Variants in CAMSAP1 observed in about 807,000 individuals in gnomAD.
CAMSAP1 encodes calmodulin regulated spectrin associated protein 1.
Under a neutral mutation model 143.5 loss-of-function variants are expected in CAMSAP1, and 58 were observed. The ratio of observed to expected loss-of-function variants is 0.40; its 90% CI spans 0.33 to 0.50. CAMSAP1 has a LOEUF of 0.50. Ranked by LOEUF, CAMSAP1 falls within the 20% of genes least tolerant of loss-of-function variation. The pLI is 0.45. For synonymous variants in CAMSAP1, 945 were observed against 859.3 expected, an observed-to-expected ratio of 1.10 and a Z score of -1.74; for missense variants, 1,969 against 2,115.7, an observed-to-expected ratio of 0.93 and a Z score of 1.36.
chr9:135,809,077 G>C lies in CAMSAP1; in HGVS notation c.*2232C>G, dbSNP rs1834947109. The C allele has an allele frequency of 1.3e-5, 2 of 152,206 alleles. No individual in the cohort carries two copies. The highest frequency in any genetic ancestry group is 1.3e-4 in the Admixed American group (2 of 15,278). 9.4% of individuals were successfully genotyped at this position (152,206 alleles called of 1,614,324 possible). ...TTGATAAACAGAGTTATAAGTCAGT[G>C]TTATCAACTGCAAAATCATGACTTT... On this transcript the variant is annotated 3_prime_UTR_variant, in exon 17 of 17. Transcript: ENST00000389532.
intron 14 of CAMSAP1, among the ~76,000 whole-genome samples, chr9:135,817,135 C>T (rs573645759): frequency 4.7e-4 from 72 of 152,242 alleles, no homozygotes; most frequent in Non-Finnish European, 9.1e-4. Context: ...TGCTCTGGAT[C>T]GAAGGAGACT....
At chr9:135,859,422 T>C (rs918661435) in intron 5 of CAMSAP1, among the ~76,000 whole-genome samples, 1 of 152,192 alleles carries the variant, frequency 6.6e-6, no homozygotes, top group Non-Finnish European at 1.5e-5. Flanking sequence ...TGAGACAGTC[T>C]CGCTCTGTCA....
chr9:135,885,499 C>T (rs1255441684), intron 1 of CAMSAP1, among the ~76,000 whole-genome samples: 4 of 152,070 alleles, frequency 2.6e-5, no homozygotes, highest in Non-Finnish European at 1.5e-5. Context: ...GGGACAGGCA[C>T]GTAAGTGGAG....
chr9:135,853,676 T>G (rs1836855186), intron 5 of CAMSAP1, among the ~76,000 whole-genome samples: 2 of 152,352 alleles, frequency 1.3e-5, no homozygotes, highest in South Asian at 4.1e-4. Flanking sequence ...GACAAGAGAA[T>G]GCTCATAGGG....
At chr9:135,851,340 G>A (rs1025391924) in intron 5 of CAMSAP1, among the ~76,000 whole-genome samples, 4 of 152,196 alleles carry the variant, frequency 2.6e-5, no homozygotes, top group African/African-American at 7.2e-5. Flanking sequence ...TGGAGCCACA[G>A]CATCCAGAGT....
chr9:135,828,063 T>C (rs977165459), intron 7 of CAMSAP1, among the ~76,000 whole-genome samples: 1 of 152,228 alleles, frequency 6.6e-6, no homozygotes, highest in African/African-American at 2.4e-5. Flanking sequence ...AGACCCAGCA[T>C]GTGGGCAGCT....
chr9:135,811,556 C>T lies in CAMSAP1; in HGVS notation c.4562G>A (p.Cys1521Tyr). 1 of 1,602,842 alleles carries T rather than the reference C, an allele frequency of 6.2e-7. No individual in the cohort carries two copies. The highest frequency in any genetic ancestry group is 8.5e-7 in the Non-Finnish European group (1 of 1,174,364). The change falls in exon 17 of 17, where the codon TGC becomes TAC. Residue 1521 changes from cysteine (C) to tyrosine (Y), a missense_variant. This residue lies in a region of CAMSAP1 where 143 missense variants were observed against 200.6 expected (regional missense o/e 0.71). Transcript: ENST00000389532. The surrounding 1 kb of genome is among the most constrained non-coding windows in gnomAD (Gnocchi z 4.9). Reference sequence around the variant, plus strand: ...GTAGCAGTAAAGCGCCCTGAACTGGCAGCCAGCATCACGAAACAGTATGAT... The same window carrying T: ...GTAGCAGTAAAGCGCCCTGAACTGGTAGCCAGCATCACGAAACAGTATGAT... The part of the protein sequence containing the change: ...HYIILFRDAG[C>Y]QFRALYCYYP...
At chr9:135,815,814 A>G in intron 15 of CAMSAP1, 76 bp downstream of exon 15, 1 of 1,173,624 alleles carries the variant, frequency 8.5e-7, no homozygotes, top group African/African-American at 1.5e-5. Context: ...CAAAATAGAG[A>G]ACAGATATTG....
rs71508822 is a variant in CAMSAP1, at chr9:135,890,584, G to A, written c.161-7506C>T. Among the ~76,000 whole-genome samples, 957 of 152,256 alleles carry A rather than the reference G, an allele frequency of 6.3e-3. 3 individuals are homozygous for A. Among genetic ancestry groups the A allele is most frequent in the Non-Finnish European group, 9.8e-3 (665 of 68,016 alleles). On this transcript the variant is annotated intron_variant, in intron 1 of 16. Transcript: ENST00000389532. ...ACCACATACTCTGGGTGGGTAACCT[G>A]AAGGGCTGCACCCAGGAGCAGGAGC...
chr9:135,849,698 T>C (rs1302452873), intron 7 of CAMSAP1, among the ~76,000 whole-genome samples: 1 of 152,220 alleles, frequency 6.6e-6, no homozygotes, highest in East Asian at 1.9e-4. Context: ...AACTTTAATG[T>C]TGCTGAATTT....
intron 7 of CAMSAP1, among the ~76,000 whole-genome samples, chr9:135,835,665 T>C (rs567000217): frequency 1.3e-5 from 2 of 152,280 alleles, no homozygotes; most frequent in South Asian, 2.1e-4. Flanking sequence ...CGGATCCAAA[T>C]TACACCCTAG....
At chr9:135,884,537 C>T (rs1372768220) in intron 1 of CAMSAP1, among the ~76,000 whole-genome samples, 1 of 152,192 alleles carries the variant, frequency 6.6e-6, no homozygotes, top group Non-Finnish European at 1.5e-5. Context: ...CATGGTTGTA[C>T]ACAATGATTA....
chr9:135,897,756 G>A (rs1564463452), intron 1 of CAMSAP1, among the ~76,000 whole-genome samples: 1 of 152,148 alleles, frequency 6.6e-6, no homozygotes, highest in Non-Finnish European at 1.5e-5. Context: ...TACCAGGCAA[G>A]ATGGCGTAAG....
At chr9:135,817,918 C>T in intron 14 of CAMSAP1, 59 bp downstream of exon 14, 2 of 1,395,456 alleles carry the variant, frequency 1.4e-6, no homozygotes, top group East Asian at 2.3e-5. Context: ...CAGGAAGTCC[C>T]ACCCTGCCCC....
At chr9:135,886,059 CT>C (rs775666476) in intron 1 of CAMSAP1, among the ~76,000 whole-genome samples, 347 of 126,856 alleles carry the variant, frequency 2.7e-3, no homozygotes, top group Non-Finnish European at 5.0e-3. Context: ...TCAATACCTA[CT>C]TAAAAAAAAA....
Position 135,865,489 on chromosome 9 carries a change from G to A in CAMSAP1, c.666+967C>T, listed in dbSNP as rs1345576634. ...GCAGAGGCGGGAGAGCCTCTGGTAA[G>A]CAAAGTCTTCTAAGTGTACGTGGCC... On this transcript the variant is annotated intron_variant, in intron 4 of 16. Coordinates refer to ENST00000389532, the MANE Select transcript of CAMSAP1 (RefSeq NM_015447.4). 4.6e-6 allele frequency: 4 copies of A among 873,096 alleles called. No homozygotes were observed. The African/African-American group carries it at 6.8e-5, about 15-fold the overall frequency. 54.1% of individuals were successfully genotyped at this position (873,096 alleles called of 1,614,324 possible). A position where few individuals can be genotyped will look rare whatever the true frequency, so the allele number is the denominator to read the frequency against.
At chr9:135,819,672 TAA>T (rs55894826) in intron 11 of CAMSAP1, among the ~76,000 whole-genome samples, 35 of 104,620 alleles carry the variant, frequency 3.3e-4, no homozygotes, top group Non-Finnish European at 1.5e-4. Context: ...TGTCTCCACT[TAA>T]AAAAAAAAAA....
intron 5 of CAMSAP1, among the ~76,000 whole-genome samples, chr9:135,855,046 C>A (rs1375845300): frequency 1.3e-5 from 2 of 151,918 alleles, no homozygotes; most frequent in Admixed American, 1.3e-4. Context: ...GGCTGGAGTG[C>A]AGTGGCGTGA....
In CAMSAP1 at chr9:135,820,109, GC is replaced by G. The variant is rs1325059308; in HGVS notation, c.3822+729del. Among the ~76,000 whole-genome samples, 1 of 152,102 alleles carries G rather than the reference GC, an allele frequency of 6.6e-6. No individual in the cohort carries two copies. The highest frequency in any genetic ancestry group is 1.5e-5 in the Non-Finnish European group (1 of 68,040). On this transcript the variant is annotated intron_variant, in intron 11 of 16. Transcript: ENST00000389532. The surrounding 1 kb of genome is among the most constrained non-coding windows in gnomAD (Gnocchi z 4.4). ...AGTGTGCGCACACCTGGATGGCAGC[GC>G]CCCCCACAGGCCTCGGCTACATCAG...
Sources: allele counts gnomAD v4.1 joint callset (sites outside exome capture counted in the v4.1 genomes callset), GRCh38; gene constraint gnomAD v4.1.1; regional missense constraint gnomAD v4.1.1; non-coding constraint Gnocchi (gnomAD v3.1); transcripts MANE v1.5; gene names NCBI Gene and HGNC (gene_info 2026-07-23, HGNC 2026-07-21).